Variants in JARID2 observed in about 807,000 individuals in gnomAD.
The protein encoded by JARID2 is jumonji and AT-rich interaction domain containing 2.
JARID2 carries 21 observed loss-of-function variants against 125.6 expected under a neutral mutation model. The observed-to-expected ratio is 0.17, with a 90% CI of 0.12 to 0.24. The LOEUF (loss-of-function observed/expected upper bound fraction) is 0.24. Ranked by LOEUF, JARID2 falls within the 10% of genes least tolerant of loss-of-function variation. The pLI, the probability that JARID2 is intolerant of heterozygous loss-of-function variation, is 1.00. For synonymous variants in JARID2, 736 were observed against 661.6 expected (o/e 1.11, Z -1.73); for missense variants, 1,303 against 1,639.6 (o/e 0.79, Z 3.55).
rs746773487 is a variant in JARID2 at position 15,330,266 on chromosome 6, T to C, written c.46-43851T>C. On this transcript the variant is annotated intron_variant, in intron 1 of 17. Coordinates refer to ENST00000341776, the MANE Select transcript of JARID2 (RefSeq NM_004973.4). ...TAAATTGGAATCGTGCTTGTTTTAATTATTTTCTACTTGTGTGGCCAGGAG... is the reference window on the plus strand; with the variant it reads ...TAAATTGGAATCGTGCTTGTTTTAACTATTTTCTACTTGTGTGGCCAGGAG... 7.6e-4 allele frequency among the ~76,000 whole-genome samples: 116 copies of C among 152,342 alleles called. 2 individuals carry two copies. The highest frequency in any genetic ancestry group is 3.1e-4 in the Non-Finnish European group (21 of 68,032).
chr6:15,261,906 A>G (rs1759894789), intron 1 of JARID2, among the ~76,000 whole-genome samples: 1 of 149,712 alleles, frequency 6.7e-6, no homozygotes, highest in African/African-American at 2.5e-5. Flanking sequence ...TCAGCCTCCC[A>G]AGTAGCTGGG....
Position 15,520,444 on chromosome 6 carries a change from T to C in JARID2, c.*193T>C, listed in dbSNP as rs548615137. The C allele has an allele frequency of 4.1e-6, 2 of 485,102 alleles. No individual in the cohort carries two copies. Among genetic ancestry groups the C allele is most frequent in the African/African-American group, 4.0e-5 (2 of 50,364 alleles). The allele number at this position is 485,102 out of a possible 1,614,324, so 30.0% of individuals were successfully genotyped here. On this transcript the variant is annotated 3_prime_UTR_variant, in exon 18 of 18. Coordinates refer to ENST00000341776, the MANE Select transcript of JARID2 (RefSeq NM_004973.4). ...TTTTGTACTTAGAAAACCTAGATAC[T>C]GCAGTCAGATTTTGGAAACTGCCGT... is the stretch of plus-strand genomic sequence containing the variant.
intron 1 of JARID2, among the ~76,000 whole-genome samples, chr6:15,330,235 C>T (rs1244215442): frequency 6.6e-6 from 1 of 152,212 alleles, no homozygotes; most frequent in Non-Finnish European, 1.5e-5. Flanking sequence ...ATCTGGTATA[C>T]AAAGCTAAAT....
intron 1 of JARID2, among the ~76,000 whole-genome samples, chr6:15,289,110 G>A (rs1302046331): frequency 2.0e-5 from 3 of 152,268 alleles, no homozygotes; most frequent in South Asian, 4.1e-4. Context: ...TTAATCCAAC[G>A]AGGTGGCACT....
intron 1 of JARID2, among the ~76,000 whole-genome samples, chr6:15,302,994 G>A (rs1761688950): frequency 1.3e-5 from 2 of 152,172 alleles, no homozygotes; most frequent in Admixed American, 6.5e-5. Flanking sequence ...AAAGTGCTGG[G>A]ATTATAGGCA....
chr6:15,398,107 CAA>C (rs1379084329), intron 2 of JARID2, among the ~76,000 whole-genome samples: 7 of 152,166 alleles, frequency 4.6e-5, no homozygotes, highest in Admixed American at 3.9e-4. Context: ...TGCAGTGAAA[CAA>C]AATGCTATTT....
chr6:15,468,771 G>C, intron 5 of JARID2, 53 bp downstream of exon 5: 1 of 1,542,196 alleles, frequency 6.5e-7, no homozygotes, highest in Non-Finnish European at 8.8e-7. Context: ...TTGGGTGAGA[G>C]CTGGAAGAGA....
intron 3 of JARID2, among the ~76,000 whole-genome samples, chr6:15,449,778 G>A (rs890830151): frequency 6.6e-6 from 1 of 152,092 alleles, no homozygotes; most frequent in Non-Finnish European, 1.5e-5. Context: ...CACTTTGTCC[G>A]TTTTGGTGGA....
intron 2 of JARID2, among the ~76,000 whole-genome samples, chr6:15,386,395 C>T (rs1178564689): frequency 6.6e-6 from 1 of 152,156 alleles, no homozygotes; most frequent in Non-Finnish European, 1.5e-5. Flanking sequence ...CAAGTGTACA[C>T]ATATAACCAA....
rs746391619 is a variant in JARID2, at chr6:15,336,112, AATG to A, written c.46-38003_46-38001del. On this transcript the variant is annotated intron_variant, in intron 1 of 17. Coordinates refer to ENST00000341776, the MANE Select transcript of JARID2 (RefSeq NM_004973.4). ...GAATGAATGAATGAATGAATGAATG[AATG>A]AATAAATAAATAAATAAAGGCATGG... Among the ~76,000 whole-genome samples the A allele has an allele frequency of 2.0e-3, 303 of 151,986 alleles. 1 individual carries two copies. The highest frequency in any genetic ancestry group is 4.5e-3 in the Admixed American group (69 of 15,276).
intron 1 of JARID2, among the ~76,000 whole-genome samples, chr6:15,276,619 CCTGTTGTGT>C (rs1760531649): frequency 3.9e-5 from 6 of 152,062 alleles, no homozygotes; most frequent in Admixed American, 3.9e-4. Flanking sequence ...TTCTAGAAGC[CCTGTTGTGT>C]CTGTTTAGTG....
At chr6:15,396,999 C>T (rs1765243044) in intron 2 of JARID2, among the ~76,000 whole-genome samples, 1 of 152,180 alleles carries the variant, frequency 6.6e-6, no homozygotes, top group African/African-American at 2.4e-5. Context: ...CAGCCACATG[C>T]ATTACAAAGT....
chr6:15,359,209 A>T (rs1325404550), intron 1 of JARID2, among the ~76,000 whole-genome samples: 1 of 152,220 alleles, frequency 6.6e-6, no homozygotes, highest in African/African-American at 2.4e-5. Context: ...TGTGACTCGC[A>T]GGTTGGTAAA....
chr6:15,274,544 C>G (rs146097025), intron 1 of JARID2, among the ~76,000 whole-genome samples: 5 of 152,258 alleles, frequency 3.3e-5, no homozygotes, highest in Non-Finnish European at 7.4e-5. Context: ...ATTTATTTTC[C>G]TTCATTCAGA....
At chr6:15,510,163 C>G (rs1771205084) in intron 12 of JARID2, among the ~76,000 whole-genome samples, 1 of 152,056 alleles carries the variant, frequency 6.6e-6, no homozygotes, top group Non-Finnish European at 1.5e-5. Flanking sequence ...GAGCTGCTGG[C>G]CCACATCTTT....
chr6:15,274,361 T>A (rs1219250842), intron 1 of JARID2, among the ~76,000 whole-genome samples: 3 of 152,220 alleles, frequency 2.0e-5, no homozygotes, highest in Non-Finnish European at 4.4e-5. Context: ...ATGAAGACAC[T>A]GGTGCATTTT....
At chr6:15,392,016 C>T (rs1470495975) in intron 2 of JARID2, among the ~76,000 whole-genome samples, 4 of 150,646 alleles carry the variant, frequency 2.7e-5, no homozygotes, top group Admixed American at 6.6e-5. Context: ...TGTGTGAAGG[C>T]ACCAGTGCAG....
intron 1 of JARID2, among the ~76,000 whole-genome samples, chr6:15,337,319 A>G (rs1253680874): frequency 1.3e-5 from 2 of 152,252 alleles, no homozygotes. Context: ...GCTGCCAAAG[A>G]TGCACATCAG....
intron 3 of JARID2, among the ~76,000 whole-genome samples, chr6:15,438,946 C>T (rs572489018): frequency 2.0e-5 from 3 of 151,658 alleles, no homozygotes; most frequent in South Asian, 2.1e-4. Context: ...GCAAGAGAAT[C>T]GCTTCAACCC....
Sources: gnomAD v4.1 joint callset for allele counts (sites outside exome capture counted in the v4.1 genomes callset) on GRCh38, gnomAD v4.1.1 for gene constraint, MANE v1.5 for transcripts, NCBI Gene and HGNC (gene_info 2026-07-23, HGNC 2026-07-21) for gene names.